The following AFF1 variants were observed in gnomAD, a reference collection of about 807,000 sequenced individuals.
AFF1 encodes the protein AF4/FMR2 family member 1.
In AFF1, 48 loss-of-function variants were observed where a neutral mutation model predicts 121.7. The ratio of observed to expected loss-of-function variants is 0.39; its 90% CI spans 0.31 to 0.50. The LOEUF is 0.50. AFF1 is among the 20% of genes least tolerant of loss of function. The pLI is 0.76. For missense variants in AFF1, 1,523 were observed against 1,511.7 expected, an observed-to-expected ratio of 1.01 and a Z score of -0.12; for synonymous variants, 613 against 563.0, an observed-to-expected ratio of 1.09 and a Z score of -1.26.
intron 6 of AFF1, 70 bp from the exon 7 acceptor site, chr4:87,091,723 T>G (rs1724332155): frequency 9.4e-7 from 1 of 1,067,186 alleles, no homozygotes; most frequent in Non-Finnish European, 1.4e-6. Flanking sequence ...TACTAAAAGC[T>G]CAACGGTTTT....
In AFF1 at chr4:87,047,010, G is replaced by T. The variant is rs147979753; in HGVS notation, c.475G>T (p.Gly159Cys). Residue 159 changes from glycine to cysteine, a missense_variant, in exon 4 of 21, where the codon GGC becomes TGC. This residue lies in a region of AFF1 where 369 missense variants were observed against 367.2 expected (regional missense o/e 1.00). Coordinates refer to ENST00000395146, the MANE Select transcript of AFF1 (RefSeq NM_001166693.3). ...PMPSLHAKSCGPPDSQHLTQD... is the reference protein window; with the variant it reads ...PMPSLHAKSCCPPDSQHLTQD... The stretch of plus-strand genomic sequence containing the variant: ...GCCAAGTCTCCATGCCAAAAGCTGC[G>T]GCCCACCGGACAGCCAGCACCTGAC... 20 of 1,614,102 alleles carry T rather than the reference G, an allele frequency of 1.2e-5. No homozygotes were observed. Among genetic ancestry groups the T allele is most frequent in the Non-Finnish European group, 1.7e-5 (20 of 1,180,026 alleles).
At chr4:87,017,353 T>G (rs1727408272) in intron 2 of AFF1, among the ~76,000 whole-genome samples, 1 of 152,150 alleles carries the variant, frequency 6.6e-6, no homozygotes, top group African/African-American at 2.4e-5. Flanking sequence ...TTATATATTG[T>G]TTTCAATTTA....
intron 13 of AFF1, among the ~76,000 whole-genome samples, chr4:87,125,865 A>G (rs1728186339): frequency 6.6e-6 from 1 of 152,162 alleles, no homozygotes; most frequent in African/African-American, 2.4e-5. Context: ...GGGGAAAGTC[A>G]GGACCACTGG....
intron 15 of AFF1, 120 bp from the exon 16 acceptor site, chr4:87,127,523 T>C: frequency 5.8e-6 from 5 of 864,880 alleles, no homozygotes; most frequent in Non-Finnish European, 7.4e-6. Flanking sequence ...TCTCCTTCTT[T>C]GTTTACCCTC....
Position 87,105,837 on chromosome 4 carries a change from A to C in AFF1, c.1368A>C (p.Ala456=), listed in dbSNP as rs201946740. Residue 456 remains alanine, a synonymous_variant, in exon 10 of 21, where the codon GCA becomes GCC. Transcript: ENST00000395146. The part of the protein sequence containing the change: ...QTPEKPPSSS[A]PPSAPQSLPE... The stretch of plus-strand genomic sequence containing the variant: ...CAGAGAAGCCTCCCTCCTCATCTGC[A>C]CCTCCAAGGTACCGTGTGGGTTTCT... 13 of 1,613,814 alleles carry C rather than the reference A, an allele frequency of 8.1e-6. No homozygotes were observed. Among genetic ancestry groups the C allele is most frequent in the Non-Finnish European group, 1.1e-5 (13 of 1,179,990 alleles).
At chr4:87,088,440 C>A (rs1026945041) in intron 5 of AFF1, among the ~76,000 whole-genome samples, 2 of 152,190 alleles carry the variant, frequency 1.3e-5, no homozygotes, top group Non-Finnish European at 2.9e-5. Flanking sequence ...GAAGTACTTG[C>A]TACAGTGCCA....
intron 1 of AFF1, among the ~76,000 whole-genome samples, chr4:86,937,386 A>G (rs1052807805): frequency 6.6e-6 from 1 of 152,218 alleles, no homozygotes; most frequent in Non-Finnish European, 1.5e-5. Context: ...TCACTAATCT[A>G]CTATAGGGTA....
intron 2 of AFF1, among the ~76,000 whole-genome samples, chr4:86,990,200 T>G (rs1383631915): frequency 1.3e-5 from 2 of 151,454 alleles, no homozygotes; most frequent in Admixed American, 6.6e-5. Flanking sequence ...AGACTGAAAC[T>G]GGCCAGGTGG....
At chr4:86,987,191 T>G (rs1250539704) in intron 2 of AFF1, among the ~76,000 whole-genome samples, 1 of 152,192 alleles carries the variant, frequency 6.6e-6, no homozygotes, top group Non-Finnish European at 1.5e-5. Flanking sequence ...CTTTGCTGCT[T>G]TCTCTGTGCT....
At chr4:87,051,468 G>C (rs550346798) in intron 4 of AFF1, among the ~76,000 whole-genome samples, 22 of 125,780 alleles carry the variant, frequency 1.7e-4, no homozygotes, top group Middle Eastern at 3.8e-3. Context: ...TGTTTGTTTT[G>C]TTTTGTTTTT....
chr4:87,125,619 AG>A (rs1383086819), intron 13 of AFF1, among the ~76,000 whole-genome samples: 8 of 152,226 alleles, frequency 5.3e-5, no homozygotes, highest in African/African-American at 1.2e-4. Context: ...GAGGGGTGGC[AG>A]GTGAGAAGTG....
chr4:87,086,732 C>G (rs1723774759), intron 5 of AFF1, among the ~76,000 whole-genome samples: 1 of 152,172 alleles, frequency 6.6e-6, no homozygotes. Context: ...TTGACGCTGA[C>G]CCAGATGCTA....
chr4:87,124,416 G>T (rs1728017413), intron 12 of AFF1, among the ~76,000 whole-genome samples: 1 of 152,102 alleles, frequency 6.6e-6, no homozygotes, highest in African/African-American at 2.4e-5. Context: ...CAGTGGAGGG[G>T]AAAAAATGTT....
At position 87,114,997 on chromosome 4, in the gene AFF1, A is replaced by G; in HGVS notation, c.2164A>G (p.Ser722Gly). The G allele has an allele frequency of 6.2e-7, 1 of 1,613,730 alleles. No individual in the cohort carries two copies. Among genetic ancestry groups the G allele is most frequent in the Non-Finnish European group, 8.5e-7 (1 of 1,179,940 alleles). Residue 722 changes from serine (S) to glycine (G), a missense_variant, in exon 12 of 21, where the codon AGT becomes GGT. Transcript: ENST00000395146. ...PLTESQGPPH[S>G]GSGSRTSGCR... Reference sequence around the variant, plus strand: ...GACTGAGAGCCAGGGCCCACCCCACAGTGGCAGCGGCAGCAGGACTAGTGG... The same window carrying G: ...GACTGAGAGCCAGGGCCCACCCCACGGTGGCAGCGGCAGCAGGACTAGTGG...
chr4:87,054,385 C>G (rs954161227), intron 4 of AFF1, among the ~76,000 whole-genome samples: 1 of 152,214 alleles, frequency 6.6e-6, no homozygotes, highest in African/African-American at 2.4e-5. Context: ...GTCAGAGTAG[C>G]CTTGGGAGAA....
chr4:87,036,754 C>T, intron 2 of AFF1: 2 of 504,484 alleles, frequency 4.0e-6, no homozygotes, highest in Non-Finnish European at 7.9e-6. Flanking sequence ...TAAGAAACAT[C>T]AGCTACTGGT....
intron 7 of AFF1, among the ~76,000 whole-genome samples, chr4:87,092,293 A>C (rs1034395013): frequency 2.6e-5 from 4 of 152,150 alleles, no homozygotes; most frequent in African/African-American, 9.7e-5. Context: ...AACAAACAAA[A>C]ACCAAAATAA....
At position 87,091,117 on chromosome 4, in the gene AFF1, C is replaced by G. The variant is rs1724261113; in HGVS notation, c.1192-676C>G. Among the ~76,000 whole-genome samples the G allele has an allele frequency of 1.3e-5, 2 of 148,478 alleles. 1 individual carries two copies. The highest frequency in any genetic ancestry group is 1.3e-4 in the Admixed American group (2 of 14,888). On this transcript the variant is annotated intron_variant, in intron 6 of 20. Coordinates refer to ENST00000395146, the MANE Select transcript of AFF1 (RefSeq NM_001166693.3). ...TTTTCTAATAATTTTTAAAATGTAACTCATGGACCGGGCATGGTGGCTTAT... is the reference window on the plus strand; with the variant it reads ...TTTTCTAATAATTTTTAAAATGTAAGTCATGGACCGGGCATGGTGGCTTAT...
intron 2 of AFF1, among the ~76,000 whole-genome samples, chr4:86,960,009 ACT>A (rs2149466023): frequency 1.3e-5 from 2 of 152,158 alleles, no homozygotes; most frequent in African/African-American, 4.8e-5. Flanking sequence ...ATGGGCCCTG[ACT>A]CTTTTCACAT....
Sources: allele counts gnomAD v4.1 joint callset (sites outside exome capture counted in the v4.1 genomes callset), GRCh38; gene constraint gnomAD v4.1.1; regional missense constraint gnomAD v4.1.1; transcripts MANE v1.5; gene names NCBI Gene and HGNC (gene_info 2026-07-23, HGNC 2026-07-21).